ALOX5: variants seen among roughly 807,000 people sequenced by gnomAD.
ALOX5 encodes polyunsaturated fatty acid 5-lipoxygenase.
In ALOX5, 64 loss-of-function variants were observed where a neutral mutation model predicts 87.9. The observed-to-expected ratio is 0.73, with a 90% CI of 0.60 to 0.90. ALOX5 has a LOEUF of 0.90. Ranked by LOEUF, ALOX5 falls within the 40% of genes least tolerant of loss-of-function variation. The pLI, the probability that ALOX5 is intolerant of heterozygous loss-of-function variation, is 0.00. For missense variants in ALOX5, 822 were observed against 907.5 expected (o/e 0.91, Z 1.21); for synonymous variants, 388 against 355.1 (o/e 1.09, Z -1.04).
At position 45,395,867 on chromosome 10, in the gene ALOX5, G is replaced by A. The variant is rs144514664; in HGVS notation, c.362G>A (p.Arg121Gln). The A allele has an allele frequency of 4.9e-5, 79 of 1,614,082 alleles. No individual in the cohort carries two copies. The Middle Eastern group carries it at 4.9e-4, about 10-fold the overall frequency. The change falls in exon 3 of 14, where the codon CGA becomes CAA. Residue 121 changes from arginine to glutamine, a missense_variant. By Grantham distance (43) the Arg-to-Gln change is conservative. Transcript: ENST00000374391. ...TCTTTCTTTACAGCAAAGTTGGCCC[G>A]AGATGACCAAATTCACATTCTCAAG... Reference protein sequence around the residue: ...VLRDGRAKLARDDQIHILKQH... With the variant: ...VLRDGRAKLAQDDQIHILKQH...
chr10:45,425,064 C>A lies in ALOX5; in HGVS notation c.766C>A (p.Leu256Ile). Residue 256 changes from leucine to isoleucine, a missense_variant, in exon 6 of 14, where the codon CTC becomes ATC. Physicochemically the swap from Leu to Ile is conservative, Grantham distance 5. Coordinates refer to ENST00000374391, the MANE Select transcript of ALOX5 (RefSeq NM_000698.5). The surrounding 1 kb of genome is among the most constrained non-coding windows in gnomAD (Gnocchi z 4.4). ...IRRCTELPEK[L>I]PVTTEMVECS... ...GCGCTGCACAGAGCTGCCCGAGAAGCTCCCGGTGACCACGGAGATGGTAGA... is the reference window on the plus strand; with the variant it reads ...GCGCTGCACAGAGCTGCCCGAGAAGATCCCGGTGACCACGGAGATGGTAGA... 1 of 1,614,102 alleles carries A rather than the reference C, an allele frequency of 6.2e-7. No homozygotes were observed. Among genetic ancestry groups the A allele is most frequent in the Non-Finnish European group, 8.5e-7 (1 of 1,180,034 alleles).
At chr10:45,419,675 G>T (rs1205467535) in intron 4 of ALOX5, among the ~76,000 whole-genome samples, 1 of 152,258 alleles carries the variant, frequency 6.6e-6, no homozygotes, top group Non-Finnish European at 1.5e-5. Context: ...AGCCGGGGAG[G>T]TGGAAGCTGC....
In ALOX5 at chr10:45,412,212, C is replaced by T; in HGVS notation, c.453C>T (p.Gly151=). The change falls in exon 4 of 14, where the codon GGC becomes GGT. Residue 151 remains glycine, a synonymous_variant. Coordinates refer to ENST00000374391, the MANE Select transcript of ALOX5 (RefSeq NM_000698.5). ...KQYRWMEWNP[G]FPLSIDAKCH... ...TCAGATGGATGGAGTGGAACCCTGG[C>T]TTCCCCTTGAGCATCGATGCCAAAT... 1 of 1,614,178 alleles carries T rather than the reference C, an allele frequency of 6.2e-7. No homozygotes were observed.
At chr10:45,395,355 G>A (rs1840458552) in intron 2 of ALOX5, among the ~76,000 whole-genome samples, 1 of 151,876 alleles carries the variant, frequency 6.6e-6, no homozygotes, top group Admixed American at 6.6e-5. Flanking sequence ...CTATCGCAAG[G>A]ACAAAAAAAC....
chr10:45,388,262 G>A (rs1289645009), intron 2 of ALOX5, among the ~76,000 whole-genome samples: 3 of 152,220 alleles, frequency 2.0e-5, no homozygotes, highest in Non-Finnish European at 2.9e-5. Flanking sequence ...CCACCTCTGG[G>A]GGCAGGTCAT....
At chr10:45,441,894 C>T (rs1015859523) in intron 9 of ALOX5, among the ~76,000 whole-genome samples, 3 of 152,110 alleles carry the variant, frequency 2.0e-5, no homozygotes, top group East Asian at 1.9e-4. Context: ...GCCCAGCCCT[C>T]GCATCCCTCA....
chr10:45,445,157 G>A (rs1164739529), intron 13 of ALOX5, among the ~76,000 whole-genome samples: 1 of 152,244 alleles, frequency 6.6e-6, no homozygotes, highest in Non-Finnish European at 1.5e-5. Flanking sequence ...GATGGGAGGT[G>A]AGAGTGCTGC....
intron 4 of ALOX5, among the ~76,000 whole-genome samples, chr10:45,419,035 C>T (rs1841403038): frequency 6.6e-6 from 1 of 152,212 alleles, no homozygotes; most frequent in Non-Finnish European, 1.5e-5. Flanking sequence ...GCGGATGGAG[C>T]CGCCCTCTCC....
chr10:45,440,760 T>G, intron 8 of ALOX5, 127 bp downstream of exon 8: 1 of 1,056,854 alleles, frequency 9.5e-7, no homozygotes, highest in Non-Finnish European at 1.4e-6. Flanking sequence ...CCTGGAGAGA[T>G]GTTCTCAGAG....
At chr10:45,418,887 G>T (rs1038249048) in intron 4 of ALOX5, among the ~76,000 whole-genome samples, 5 of 152,276 alleles carry the variant, frequency 3.3e-5, no homozygotes, top group African/African-American at 1.2e-4. Context: ...AATTGAGAAA[G>T]AGAGTTTCCT....
chr10:45,445,428 G>A, intron 13 of ALOX5, 80 bp from the exon 14 acceptor site: 8 of 1,508,720 alleles, frequency 5.3e-6, no homozygotes, highest in Non-Finnish European at 7.2e-6. Flanking sequence ...ACGGTGGCTG[G>A]CCCCTTGGGA....
At chr10:45,375,004 C>T (rs1839546627) in intron 1 of ALOX5, among the ~76,000 whole-genome samples, 3 of 152,148 alleles carry the variant, frequency 2.0e-5, no homozygotes, top group Non-Finnish European at 1.5e-5. Context: ...CCTCAGTTTC[C>T]CCAGCTGAAA....
At chr10:45,380,420 C>T (rs1839785482) in intron 1 of ALOX5, among the ~76,000 whole-genome samples, 1 of 152,214 alleles carries the variant, frequency 6.6e-6, no homozygotes. Context: ...CCAAACTGCT[C>T]ACGGTATTCA....
chr10:45,408,794 C>T (rs1840966641), intron 3 of ALOX5, among the ~76,000 whole-genome samples: 1 of 152,148 alleles, frequency 6.6e-6, no homozygotes, highest in African/African-American at 2.4e-5. Context: ...GTTTATGTCT[C>T]TCATAGTTTC....
chr10:45,396,057 C>T, intron 3 of ALOX5, 121 bp downstream of exon 3: 1 of 915,486 alleles, frequency 1.1e-6, no homozygotes. Flanking sequence ...GTCACCAAGG[C>T]ACCAGCTCCC....
intron 3 of ALOX5, among the ~76,000 whole-genome samples, chr10:45,407,728 T>C (rs757892452): frequency 6.6e-6 from 1 of 152,036 alleles, no homozygotes; most frequent in Non-Finnish European, 1.5e-5. Context: ...TAAGAGAACA[T>C]AGATAAAGTA....
intron 7 of ALOX5, among the ~76,000 whole-genome samples, chr10:45,431,479 CA>C (rs1357175863): frequency 2.6e-5 from 4 of 151,708 alleles, no homozygotes; most frequent in East Asian, 1.9e-4. Flanking sequence ...ATATATTTCT[CA>C]AAAAAATCAA....
At chr10:45,393,548 C>G (rs1840378123) in intron 2 of ALOX5, among the ~76,000 whole-genome samples, 5 of 151,832 alleles carry the variant, frequency 3.3e-5, no homozygotes, top group African/African-American at 9.7e-5. Flanking sequence ...TGGCACAAGA[C>G]AGGGATGCCC....
At chr10:45,391,388 C>T (rs1007577022) in intron 2 of ALOX5, among the ~76,000 whole-genome samples, 2 of 152,240 alleles carry the variant, frequency 1.3e-5, no homozygotes, top group Admixed American at 6.5e-5. Flanking sequence ...GTCTCATTCA[C>T]TCAGTGCTCA....
Sources: gnomAD v4.1 joint callset for allele counts (sites outside exome capture counted in the v4.1 genomes callset) on GRCh38, gnomAD v4.1.1 for gene constraint, Gnocchi (gnomAD v3.1) non-coding constraint, MANE v1.5 for transcripts, NCBI Gene and HGNC (gene_info 2026-07-23, HGNC 2026-07-21) for gene names.